Variants in TRPM2 observed in about 807,000 individuals in gnomAD.
The protein encoded by TRPM2 is transient receptor potential cation channel subfamily M member 2.
TRPM2 carries 161 observed loss-of-function variants against 174.0 expected under a neutral mutation model. That is an observed-to-expected ratio of 0.93 (90% CI 0.81 to 1.05). TRPM2 has a LOEUF of 1.05. Ranked by LOEUF, TRPM2 falls within the 50% of genes least tolerant of loss-of-function variation. TRPM2 has a pLI of 0.00. For missense variants in TRPM2, 2,057 were observed against 2,038.0 expected (o/e 1.01, Z -0.18); for synonymous variants, 954 against 861.3 (o/e 1.11, Z -1.88).
At position 44,423,677 on chromosome 21, in the gene TRPM2, A is replaced by G; in HGVS notation, c.3494A>G (p.Asp1165Gly). Reference protein sequence around the residue: ...VDAMVDLLDLDPLKRSGSMEQ... With the variant: ...VDAMVDLLDLGPLKRSGSMEQ... ...GCCATGGTGGACCTGCTGGACCTGG[A>G]CCCACTGAAGAGGTCGGGCTCCATG... is the stretch of plus-strand genomic sequence containing the variant. The change falls in exon 23 of 32, where the codon GAC becomes GGC. Residue 1165 changes from aspartate to glycine, a missense_variant. Coordinates refer to ENST00000397928, the MANE Select transcript of TRPM2 (RefSeq NM_003307.4). 6.2e-7 allele frequency: 1 copy of G among 1,612,990 alleles called. No homozygotes were observed. The highest frequency in any genetic ancestry group is 1.1e-5 in the South Asian group (1 of 90,682).
At chr21:44,433,787 G>A (rs1279101533) in intron 27 of TRPM2, among the ~76,000 whole-genome samples, 2 of 152,092 alleles carry the variant, frequency 1.3e-5, no homozygotes, top group African/African-American at 4.8e-5. Context: ...GCCTGGCCAG[G>A]TGGGCCCTAC....
intron 22 of TRPM2, among the ~76,000 whole-genome samples, chr21:44,421,931 A>G (rs1194436077): frequency 5.9e-5 from 9 of 152,128 alleles, no homozygotes; most frequent in Admixed American, 5.9e-4. Context: ...GCATATTTGT[A>G]TGTGAGTAGA....
At position 44,406,637 on chromosome 21, in the gene TRPM2, TG is replaced by T; in HGVS notation, c.2836del (p.Val946CysfsTer44). 1 of 1,610,854 alleles carries T rather than the reference TG, an allele frequency of 6.2e-7. No homozygotes were observed. On this transcript the variant is annotated frameshift_variant, in exon 19 of 32. Transcript: ENST00000397928. LOFTEE classifies it high-confidence loss of function. ...FFFLFLLAVW[V>X]VSFGVAKQAI... is the part of the protein sequence containing the mutation. Reference sequence around the variant, plus strand: ...TTCCTCTTCCTGCTGGCTGTGTGGGTGGTGTCCTTCGGGGTGGCCAAGCAGG... The same window carrying T: ...TTCCTCTTCCTGCTGGCTGTGTGGGTGTGTCCTTCGGGGTGGCCAAGCAGG...
intron 5 of TRPM2, among the ~76,000 whole-genome samples, chr21:44,374,038 C>A (rs1331942784): frequency 6.6e-6 from 1 of 150,896 alleles, no homozygotes; most frequent in Non-Finnish European, 1.5e-5. Flanking sequence ...TGAGATGGAG[C>A]CTTGCTCTTT....
intron 19 of TRPM2, among the ~76,000 whole-genome samples, chr21:44,410,215 G>A (rs1241832236): frequency 1.2e-5 from 1 of 81,492 alleles, no homozygotes; most frequent in Non-Finnish European, 2.9e-5. Flanking sequence ...AGTAAGTTTT[G>A]ACCGCACTGT....
chr21:44,420,200 T>C (rs1481441780), intron 22 of TRPM2, among the ~76,000 whole-genome samples: 2 of 152,128 alleles, frequency 1.3e-5, no homozygotes, highest in African/African-American at 4.8e-5. Flanking sequence ...GAGTCAGGAC[T>C]TGCTGTCTCT....
chr21:44,386,118 G>A, intron 9 of TRPM2, among the ~76,000 whole-genome samples: 1 of 152,234 alleles, frequency 6.6e-6, no homozygotes, highest in Non-Finnish European at 1.5e-5. Context: ...AGGTGTGATG[G>A]CTCATGCCTG....
At position 44,391,810 on chromosome 21, in the gene TRPM2, C is replaced by A. The variant is rs921019249; in HGVS notation, c.1794+185C>A. Among the ~76,000 whole-genome samples, 4 of 152,180 alleles carry A rather than the reference C, an allele frequency of 2.6e-5. No individual in the cohort carries two copies. Among genetic ancestry groups the A allele is most frequent in the Non-Finnish European group, 4.4e-5 (3 of 68,036 alleles). On this transcript the variant is annotated intron_variant, in intron 11 of 31. Transcript: ENST00000397928. The surrounding 1 kb of genome is among the most constrained non-coding windows in gnomAD (Gnocchi z 5.0). Reference sequence around the variant, plus strand: ...GGCAGAAACTACCAGTTTATTTTCTCGAAGTTCTGGAAGCCCGAAGTCCCA... The same window carrying A: ...GGCAGAAACTACCAGTTTATTTTCTAGAAGTTCTGGAAGCCCGAAGTCCCA...
intron 22 of TRPM2, among the ~76,000 whole-genome samples, chr21:44,421,015 G>A (rs1187440911): frequency 6.6e-6 from 1 of 152,166 alleles, no homozygotes; most frequent in Non-Finnish European, 1.5e-5. Context: ...GGAGTGGGCT[G>A]GACCCCAAAT....
intron 5 of TRPM2, among the ~76,000 whole-genome samples, chr21:44,370,552 G>T (rs2048506053): frequency 6.6e-6 from 1 of 152,284 alleles, no homozygotes; most frequent in Admixed American, 6.5e-5. Context: ...ACTGGCCTGT[G>T]ACTCACTGAG....
intron 20 of TRPM2, among the ~76,000 whole-genome samples, chr21:44,417,608 CAGT>C (rs2050349690): frequency 8.6e-6 from 1 of 115,944 alleles, no homozygotes; most frequent in Admixed American, 8.3e-5. Context: ...TGTGGCATCA[CAGT>C]GGGCACGTGG....
intron 5 of TRPM2, among the ~76,000 whole-genome samples, chr21:44,373,384 T>C (rs2048597636): frequency 6.6e-6 from 1 of 151,992 alleles, no homozygotes; most frequent in Non-Finnish European, 1.5e-5. Context: ...ACAGGGTTTC[T>C]CCATGTTGGC....
intron 5 of TRPM2, among the ~76,000 whole-genome samples, chr21:44,374,409 A>G (rs1429318166): frequency 6.6e-6 from 1 of 152,082 alleles, no homozygotes. Context: ...CGGGGTGGTA[A>G]GCGGTTGGTT....
At chr21:44,385,386 T>TA (rs1378940383) in intron 9 of TRPM2, among the ~76,000 whole-genome samples, 1 of 152,134 alleles carries the variant, frequency 6.6e-6, no homozygotes, top group Admixed American at 6.5e-5. Flanking sequence ...ATGCTTACAT[T>TA]AAAAAATAAG....
chr21:44,377,798 G>C, intron 7 of TRPM2, 25 bp downstream of exon 7: 3 of 1,613,082 alleles, frequency 1.9e-6, no homozygotes, highest in Non-Finnish European at 2.5e-6. Context: ...GTGGGAGGGG[G>C]CATGTGTGGG....
In TRPM2 at chr21:44,357,618, C is replaced by T. The variant is rs527742789; in HGVS notation, c.254+2882C>T. Among the ~76,000 whole-genome samples the T allele has an allele frequency of 2.2e-3, 341 of 152,336 alleles. 2 individuals are homozygous for T. Among genetic ancestry groups the T allele is most frequent in the African/African-American group, 7.7e-3 (321 of 41,578 alleles). On this transcript the variant is annotated intron_variant, in intron 2 of 31. Transcript: ENST00000397928. ...CCCATTCGAGGCTCAGAGCCCAGGG[C>T]GTGCATCCTGCGCTGGCCACGTGGG... is the stretch of plus-strand genomic sequence containing the variant.
At chr21:44,435,793 C>T (rs2051230509) in intron 28 of TRPM2, among the ~76,000 whole-genome samples, 3 of 144,056 alleles carry the variant, frequency 2.1e-5, no homozygotes, top group Non-Finnish European at 4.6e-5. Flanking sequence ...CCACACTCAC[C>T]CCTCAGACTC....
intron 8 of TRPM2, among the ~76,000 whole-genome samples, chr21:44,381,095 G>A (rs544987481): frequency 3.9e-5 from 6 of 152,214 alleles, no homozygotes; most frequent in Middle Eastern, 3.4e-3. Context: ...GACCCCGAGG[G>A]ATGGGGCACC....
intron 2 of TRPM2, among the ~76,000 whole-genome samples, chr21:44,363,688 T>G (rs2048279027): frequency 6.6e-6 from 1 of 152,226 alleles, no homozygotes; most frequent in African/African-American, 2.4e-5. Flanking sequence ...AGCTGTCTTT[T>G]TTCATCCTGG....
Sources: gnomAD v4.1 joint callset for allele counts (sites outside exome capture counted in the v4.1 genomes callset) on GRCh38, gnomAD v4.1.1 for gene constraint, Gnocchi (gnomAD v3.1) non-coding constraint, MANE v1.5 for transcripts, NCBI Gene and HGNC (gene_info 2026-07-23, HGNC 2026-07-21) for gene names.